Variants in STX16 observed in about 807,000 individuals in gnomAD.
The protein encoded by STX16 is syntaxin-16.
STX16 carries 28 observed loss-of-function variants against 42.7 expected under a neutral mutation model. That is an observed-to-expected ratio of 0.66 (90% confidence interval 0.49 to 0.90). The LOEUF (loss-of-function observed/expected upper bound fraction) is 0.90, where lower values mean the gene tolerates loss of function less well. STX16 is among the 40% of genes least tolerant of loss of function. The pLI is 0.00. For missense variants in STX16, 361 were observed against 420.9 expected (o/e 0.86, Z 1.24); for synonymous variants, 156 against 155.2 (o/e 1.00, Z -0.04).
At position 58,670,469 on chromosome 20, in the gene STX16, A is replaced by G. The variant is rs140137105; in HGVS notation, c.557-43A>G. ...TTTTAATGGTAGAACAATACTCAGG[A>G]TGGTTTACATATTCAAGTAAAATGA... On this transcript the variant is annotated intron_variant, in intron 5 of 8. Coordinates refer to ENST00000371141, the MANE Select transcript of STX16 (RefSeq NM_001001433.3). 783 of 1,457,918 alleles carry G rather than the reference A, an allele frequency of 5.4e-4. 2 individuals are homozygous for G. Among genetic ancestry groups the G allele is most frequent in the Middle Eastern group, 7.0e-4 (4 of 5,702 alleles). 90.3% of individuals were successfully genotyped at this position (1,457,918 alleles called of 1,614,324 possible).
intron 2 of STX16, among the ~76,000 whole-genome samples, chr20:58,661,787 A>C (rs952014498): frequency 6.6e-6 from 1 of 152,178 alleles, no homozygotes; most frequent in South Asian, 2.1e-4. Flanking sequence ...AGGGCCTCAC[A>C]TTGGCATCTC....
chr20:58,665,187 T>C (rs1175331939), intron 2 of STX16, among the ~76,000 whole-genome samples: 1 of 152,240 alleles, frequency 6.6e-6, no homozygotes, highest in Non-Finnish European at 1.5e-5. Flanking sequence ...ACAGGCCCTC[T>C]CTGTGCCTGC....
chr20:58,675,573 G>C (rs1228271915), intron 8 of STX16, among the ~76,000 whole-genome samples: 1 of 152,208 alleles, frequency 6.6e-6, no homozygotes, highest in South Asian at 2.1e-4. Flanking sequence ...AGCTTGGAGG[G>C]CTCCTTTGCT....
intron 2 of STX16, among the ~76,000 whole-genome samples, chr20:58,663,996 T>C (rs961207997): frequency 6.6e-6 from 1 of 152,158 alleles, no homozygotes; most frequent in Non-Finnish European, 1.5e-5. Flanking sequence ...CAACATCATA[T>C]ATTTGGAGGG....
Position 58,678,553 on chromosome 20 carries a change from T to C in STX16, c.*2262T>C, listed in dbSNP as rs2084192480. ...TACTCAAGAGGCTGAGGCAGGAGAA[T>C]AGCTTGAACCCGGGAGGCAGAGGTT... is the stretch of plus-strand genomic sequence containing the variant. On this transcript the variant is annotated 3_prime_UTR_variant, in exon 9 of 9. Transcript: ENST00000371141. 6.7e-6 allele frequency: 1 copy of C among 149,778 alleles called. No homozygotes were observed. Among genetic ancestry groups the C allele is most frequent in the African/African-American group, 2.5e-5 (1 of 40,458 alleles). 9.3% of individuals were successfully genotyped at this position (149,778 alleles called of 1,614,324 possible).
intron 1 of STX16, 82 bp from the exon 2 acceptor site, chr20:58,659,541 T>TTGTC (rs1212262222): frequency 2.1e-6 from 3 of 1,460,042 alleles, no homozygotes; most frequent in East Asian, 4.7e-5. Flanking sequence ...TGACCATGCC[T>TTGTC]TGTCTGTCTG....
intron 2 of STX16, among the ~76,000 whole-genome samples, chr20:58,666,907 T>TA (rs1463381027): frequency 6.6e-6 from 1 of 152,250 alleles, no homozygotes; most frequent in Non-Finnish European, 1.5e-5. Flanking sequence ...TGCCAAATGG[T>TA]AGATAATTTG....
chr20:58,669,475 T>A, intron 5 of STX16, 22 bp downstream of exon 5: 3 of 1,586,104 alleles, frequency 1.9e-6, no homozygotes, highest in Non-Finnish European at 1.7e-6. Context: ...CCGGGCCTAG[T>A]GAAGGGATTT....
intron 2 of STX16, among the ~76,000 whole-genome samples, chr20:58,660,940 A>G (rs1040436319): frequency 4.1e-5 from 6 of 148,002 alleles, no homozygotes; most frequent in Admixed American, 1.4e-4. Flanking sequence ...CAATTAGTTA[A>G]AAAAAAAAAA....
rs1455052026 is a variant in STX16, at chr20:58,657,924, A to AAC, written c.133-1696_133-1695dup. 6.6e-6 allele frequency among the ~76,000 whole-genome samples: 1 copy of AAC among 152,146 alleles called. No homozygotes were observed. The highest frequency in any genetic ancestry group is 6.5e-5 in the Admixed American group (1 of 15,282). ...GGAGGGTGGGGTGGAAAGAGACCTG[A>AAC]ACACCTGGGTCTGTCCCCAGTCTGA... On this transcript the variant is annotated intron_variant, in intron 1 of 8. Transcript: ENST00000371141. This position sits in a 1 kb window ranked among gnomAD's most constrained non-coding sequence, Gnocchi z 4.2.
rs1207097144 is a variant in STX16 at position 58,651,323 on chromosome 20, G to C, written c.-684G>C. 1 of 153,224 alleles carries C rather than the reference G, an allele frequency of 6.5e-6. No individual in the cohort carries two copies. The highest frequency in any genetic ancestry group is 2.4e-5 in the African/African-American group (1 of 41,478). 9.5% of individuals were successfully genotyped at this position (153,224 alleles called of 1,614,324 possible). The stretch of plus-strand genomic sequence containing the variant: ...GGGAGCCGGAGAAGAGGAGTGAGAA[G>C]GCCGGGGAGGCAGGCCCTGCTGTCT... On this transcript the variant is annotated 5_prime_UTR_variant, in exon 1 of 9. Transcript: ENST00000371141.
chr20:58,671,472 G>A lies in STX16; in HGVS notation c.792+175G>A, dbSNP rs141634753. On this transcript the variant is annotated intron_variant, in intron 7 of 8. Transcript: ENST00000371141. ...TGTGTGTGTGTGTGTGTGTGTGTGTGTATATTAATATTAATCAAATATTAA... is the reference window on the plus strand; with the variant it reads ...TGTGTGTGTGTGTGTGTGTGTGTGTATATATTAATATTAATCAAATATTAA... 0.11 allele frequency among the ~76,000 whole-genome samples: 11,049 copies of A among 97,792 alleles called. 461 individuals carry two copies. Among genetic ancestry groups the A allele is most frequent in the African/African-American group, 0.15 (3,629 of 24,820 alleles). 64.2% of individuals were successfully genotyped at this position (97,792 alleles called of 152,430 possible).
chr20:58,662,297 C>T (rs1267646866), intron 2 of STX16, among the ~76,000 whole-genome samples: 19 of 152,246 alleles, frequency 1.2e-4, no homozygotes, highest in Admixed American at 1.2e-3. Flanking sequence ...CGGCGCTCCT[C>T]TGAAGGATTG....
intron 2 of STX16, among the ~76,000 whole-genome samples, chr20:58,665,797 C>G (rs1052656022): frequency 6.6e-6 from 1 of 152,124 alleles, no homozygotes; most frequent in African/African-American, 2.4e-5. Flanking sequence ...GGCTCCTGGA[C>G]GTGCTGGGAT....
Position 58,670,541 on chromosome 20 carries a change from C to A in STX16, c.586C>A (p.His196Asn). ...GAAGAATCGAGAGGAAAGATCCCAG[C>A]ATTTTTTCGACACATCAGTACCACT... ...RMKNREERSQHFFDTSVPLMD... is the reference protein window; with the variant it reads ...RMKNREERSQNFFDTSVPLMD... Residue 196 changes from histidine (H) to asparagine (N), a missense_variant, in exon 6 of 9, where the codon CAT (histidine) becomes AAT (asparagine). His to Asn is a moderately conservative substitution (Grantham distance 68). Transcript: ENST00000371141. 1 of 1,614,110 alleles carries A rather than the reference C, an allele frequency of 6.2e-7. No homozygotes were observed. Among genetic ancestry groups the A allele is most frequent in the Non-Finnish European group, 8.5e-7 (1 of 1,179,976 alleles).
chr20:58,659,683 A>G, intron 2 of STX16, 49 bp downstream of exon 2: 4 of 1,598,408 alleles, frequency 2.5e-6, no homozygotes, highest in Non-Finnish European at 3.4e-6. Flanking sequence ...GAGTTTATAA[A>G]ATACCTACTT....
Position 58,676,520 on chromosome 20 carries a change from T to G in STX16, c.*229T>G. The G allele has an allele frequency of 1.9e-6, 1 of 514,252 alleles. No homozygotes were observed. Among genetic ancestry groups the G allele is most frequent in the Non-Finnish European group, 3.4e-6 (1 of 290,184 alleles). 31.9% of individuals were successfully genotyped at this position (514,252 alleles called of 1,614,324 possible). Reference sequence around the variant, plus strand: ...TTGAGAATTTAAGGACCTTTGATACTGCTGCACAATAGAGATTGAGTTCTG... The same window carrying G: ...TTGAGAATTTAAGGACCTTTGATACGGCTGCACAATAGAGATTGAGTTCTG... On this transcript the variant is annotated 3_prime_UTR_variant, in exon 9 of 9. Coordinates refer to ENST00000371141, the MANE Select transcript of STX16 (RefSeq NM_001001433.3).
chr20:58,670,168 A>G (rs2083934950), intron 5 of STX16, among the ~76,000 whole-genome samples: 1 of 152,256 alleles, frequency 6.6e-6, no homozygotes, highest in Non-Finnish European at 1.5e-5. Flanking sequence ...TCTAGAGAGA[A>G]ATACTGATTT....
intron 3 of STX16, 110 bp from the exon 4 acceptor site, chr20:58,667,877 G>A: frequency 6.9e-7 from 1 of 1,439,300 alleles, no homozygotes; most frequent in South Asian, 1.3e-5. Flanking sequence ...TCACACATCA[G>A]CAAGCCAACA....
Sources: gnomAD v4.1 joint callset for allele counts (sites outside exome capture counted in the v4.1 genomes callset) on GRCh38, gnomAD v4.1.1 for gene constraint, Gnocchi (gnomAD v3.1) non-coding constraint, MANE v1.5 for transcripts, NCBI Gene and HGNC (gene_info 2026-07-23, HGNC 2026-07-21) for gene names.